MACROD2: variants seen among roughly 807,000 people sequenced by gnomAD.
The protein encoded by MACROD2 is mono-ADP ribosylhydrolase 2.
In MACROD2, 36 loss-of-function variants were observed where a neutral mutation model predicts 70.4. That is an observed-to-expected ratio of 0.51 (90% CI 0.39 to 0.68). The LOEUF (loss-of-function observed/expected upper bound fraction) is 0.68, where lower values mean the gene tolerates loss of function less well. Ranked by LOEUF, MACROD2 falls within the 30% of genes least tolerant of loss-of-function variation. The pLI is 0.00. For synonymous variants in MACROD2, 172 were observed against 178.8 expected, an observed-to-expected ratio of 0.96 and a Z score of 0.30; for missense variants, 496 against 538.4, an observed-to-expected ratio of 0.92 and a Z score of 0.78.
intron 3 of MACROD2, among the ~76,000 whole-genome samples, chr20:14,417,694 T>C (rs1199645948): frequency 6.6e-6 from 1 of 152,210 alleles, no homozygotes; most frequent in Non-Finnish European, 1.5e-5. Flanking sequence ...GTGTAGGTTT[T>C]CCACAGTACA....
intron 5 of MACROD2, among the ~76,000 whole-genome samples, chr20:15,035,793 G>T (rs907938042): frequency 4.6e-5 from 7 of 152,146 alleles, no homozygotes; most frequent in Admixed American, 2.0e-4. Context: ...CCAACTTGGG[G>T]CCTACCAGGA....
intron 5 of MACROD2, among the ~76,000 whole-genome samples, chr20:14,802,713 G>A (rs998166192): frequency 6.6e-5 from 10 of 151,228 alleles, no homozygotes; most frequent in South Asian, 4.2e-4. Context: ...ATTATCTCTC[G>A]TGTGTCTCTG....
chr20:15,186,608 TTAAATCTGG>T (rs1310191106), intron 5 of MACROD2, among the ~76,000 whole-genome samples: 1 of 152,150 alleles, frequency 6.6e-6, no homozygotes, highest in East Asian at 1.9e-4. Flanking sequence ...CATTATTGGG[TTAAATCTGG>T]TAAATCTGGG....
intron 4 of MACROD2, among the ~76,000 whole-genome samples, chr20:14,601,685 A>G (rs1370670682): frequency 6.6e-6 from 1 of 152,164 alleles, no homozygotes; most frequent in East Asian, 1.9e-4. Context: ...CACAGTGGCA[A>G]AAAGTACCTC....
chr20:15,679,029 GA>G (rs1254562728), intron 8 of MACROD2, among the ~76,000 whole-genome samples: 1 of 152,072 alleles, frequency 6.6e-6, no homozygotes, highest in Non-Finnish European at 1.5e-5. Context: ...CTGAGGTCAG[GA>G]ATTCGAGACC....
intron 8 of MACROD2, among the ~76,000 whole-genome samples, chr20:15,653,863 A>G (rs1203731478): frequency 6.6e-6 from 1 of 152,278 alleles, no homozygotes; most frequent in Middle Eastern, 3.4e-3. Context: ...TTCTTTTGCT[A>G]TCTGAGAATT....
At chr20:14,052,914 T>C (rs928048462) in intron 2 of MACROD2, among the ~76,000 whole-genome samples, 2 of 152,116 alleles carry the variant, frequency 1.3e-5, no homozygotes, top group African/African-American at 2.4e-5. Context: ...CTGTAACAAC[T>C]CTGTTAAGTG....
chr20:15,995,649 C>CTTTTTTTTTTTTTTTT (rs71192310), intron 15 of MACROD2, among the ~76,000 whole-genome samples: 3,105 of 85,130 alleles, frequency 0.036, 205 homozygotes, highest in Middle Eastern at 0.058. Context: ...TATGCCCGGC[C>CTTTTTTTTTTTTTTTT]TTTTTTTTTT....
Position 14,965,561 on chromosome 20 carries a change from C to T in MACROD2, c.419-264379C>T, listed in dbSNP as rs945895136. On this transcript the variant is annotated intron_variant, in intron 5 of 17. Coordinates refer to ENST00000684519, the MANE Select transcript of MACROD2 (RefSeq NM_001351661.2). ...CTGCAAGCTCCGCCTCCCGGGTTCACGCCATTCTCCTGACTCAGCCTCCCT... is the reference window on the plus strand; with the variant it reads ...CTGCAAGCTCCGCCTCCCGGGTTCATGCCATTCTCCTGACTCAGCCTCCCT... Among the ~76,000 whole-genome samples the T allele has an allele frequency of 7.5e-5, 11 of 146,910 alleles. No homozygotes were observed. In the South Asian group the frequency reaches 1.1e-3, roughly 14 times the overall value.
intron 6 of MACROD2, among the ~76,000 whole-genome samples, chr20:15,401,042 CTTT>C (rs11337547): frequency 1.4e-5 from 2 of 145,032 alleles, no homozygotes; most frequent in African/African-American, 2.5e-5. Flanking sequence ...GCAGCTTGTT[CTTT>C]TTTTTTTTTT....
At chr20:15,200,015 C>T (rs1465210313) in intron 5 of MACROD2, among the ~76,000 whole-genome samples, 1 of 152,170 alleles carries the variant, frequency 6.6e-6, no homozygotes, top group African/African-American at 2.4e-5. Flanking sequence ...CAAGTCTAAA[C>T]ACTTAAACAT....
At chr20:14,640,792 A>G in intron 4 of MACROD2, among the ~76,000 whole-genome samples, 1 of 152,194 alleles carries the variant, frequency 6.6e-6, no homozygotes, top group Non-Finnish European at 1.5e-5. Context: ...TTAATTTAAA[A>G]ATATTACTTA....
intron 5 of MACROD2, among the ~76,000 whole-genome samples, chr20:14,941,467 A>G (rs549982064): frequency 6.6e-6 from 1 of 152,200 alleles, no homozygotes; most frequent in South Asian, 2.1e-4. Context: ...CACTTTTCCC[A>G]GTGTAGAAAC....
chr20:15,289,473 A>T (rs902830925), intron 6 of MACROD2, among the ~76,000 whole-genome samples: 8 of 152,188 alleles, frequency 5.3e-5, no homozygotes, highest in Non-Finnish European at 1.2e-4. Flanking sequence ...TTCAAAGAAC[A>T]AACTTAAACT....
chr20:15,197,386 C>T lies in MACROD2; in HGVS notation c.419-32554C>T, dbSNP rs1385445020. ...TTTAAACATTGAATGATATTCTTAG[C>T]GTTTTAAACAGATTATATCTCATTA... is the stretch of plus-strand genomic sequence containing the variant. On this transcript the variant is annotated intron_variant, in intron 5 of 17. Coordinates refer to ENST00000684519, the MANE Select transcript of MACROD2 (RefSeq NM_001351661.2). Among the ~76,000 whole-genome samples the T allele has an allele frequency of 6.6e-5, 10 of 151,864 alleles. 1 individual carries two copies. Among genetic ancestry groups the T allele is most frequent in the African/African-American group, 1.2e-4 (5 of 41,370 alleles).
At chr20:14,772,179 A>G (rs2072177513) in intron 5 of MACROD2, among the ~76,000 whole-genome samples, 1 of 151,826 alleles carries the variant, frequency 6.6e-6, no homozygotes, top group South Asian at 2.1e-4. Context: ...TTCCCCCTCT[A>G]CCATTTTTTC....
chr20:15,893,957 T>C (rs1276834316), intron 10 of MACROD2: 2 of 456,666 alleles, frequency 4.4e-6, no homozygotes, highest in Non-Finnish European at 8.8e-6. Context: ...TCTGGAAGTC[T>C]GGAGGAGTCC....
chr20:15,873,534 T>G (rs531905926), intron 9 of MACROD2, among the ~76,000 whole-genome samples: 7 of 152,312 alleles, frequency 4.6e-5, no homozygotes, highest in Non-Finnish European at 8.8e-5. Flanking sequence ...TTCTTATTGA[T>G]TTATAAGAAC....
chr20:15,879,792 G>A (rs753385899), intron 9 of MACROD2, among the ~76,000 whole-genome samples: 20 of 152,102 alleles, frequency 1.3e-4, no homozygotes, highest in Non-Finnish European at 2.5e-4. Context: ...GTTGGCAAGT[G>A]TGAGACCCAG....
Sources: gnomAD v4.1 joint callset for allele counts (sites outside exome capture counted in the v4.1 genomes callset) on GRCh38, gnomAD v4.1.1 for gene constraint, MANE v1.5 for transcripts, NCBI Gene and HGNC (gene_info 2026-07-23, HGNC 2026-07-21) for gene names.